RACGAP1: variants seen among roughly 807,000 people sequenced by gnomAD.
RACGAP1 encodes the protein Rac GTPase activating protein 1, also known as rac GTPase-activating protein 1.
RACGAP1 carries 30 observed loss-of-function variants against 78.1 expected under a neutral mutation model. The observed-to-expected ratio is 0.38, with a 90% CI of 0.29 to 0.52. RACGAP1 has a LOEUF of 0.52. Among genes scored for constraint, RACGAP1 ranks in the 20% least tolerant of loss-of-function variants. The probability of loss-of-function intolerance (pLI) is 0.82; values close to 1 mark genes in which losing one functional copy is unlikely to be tolerated. For missense variants in RACGAP1, 587 were observed against 777.1 expected (o/e 0.76, Z 2.91); for synonymous variants, 231 against 264.8 (o/e 0.87, Z 1.24).
Position 49,994,136 on chromosome 12 carries a change from G to A in RACGAP1, c.1334C>T (p.Ala445Val), listed in dbSNP as rs1417537437. ...AGTATTACATCTGCCCTTACCTGCT[G>A]CTTCCATAAAGGCTCTGTTAAGGCG... Reference protein sequence around the residue: ...TFRLNRAFMEAAEITDEDNSI... With the variant: ...TFRLNRAFMEVAEITDEDNSI... The change falls in exon 12 of 17, where the codon GCA becomes GTA. Residue 445 changes from alanine (A) to valine (V), a missense_variant. Ala to Val is a moderately conservative substitution (Grantham distance 64, BLOSUM62 0). Transcript: ENST00000312377. 6.2e-7 allele frequency: 1 copy of A among 1,611,274 alleles called. No homozygotes were observed. The highest frequency in any genetic ancestry group is 8.5e-7 in the Non-Finnish European group (1 of 1,178,860).
At position 49,992,365 on chromosome 12, in the gene RACGAP1, A is replaced by G; in HGVS notation, c.1458T>C (p.Ser486=). ...LMIHLQRVAQ[S]PHTKMDVANL... Reference sequence around the variant, plus strand: ...TGGCAACATCCATTTTAGTATGTGGACTCTGAGCCACTCTAAGCAAAAGAA... The same window carrying G: ...TGGCAACATCCATTTTAGTATGTGGGCTCTGAGCCACTCTAAGCAAAAGAA... The change falls in exon 14 of 17, where the codon AGT becomes AGC. Residue 486 remains serine (S), a synonymous_variant. Transcript: ENST00000312377. 6.2e-7 allele frequency: 1 copy of G among 1,613,808 alleles called. No homozygotes were observed. The highest frequency in any genetic ancestry group is 2.2e-5 in the East Asian group (1 of 44,862).
chr12:50,009,540 G>A (rs1949181738), intron 2 of RACGAP1, among the ~76,000 whole-genome samples: 1 of 151,790 alleles, frequency 6.6e-6, no homozygotes, highest in Non-Finnish European at 1.5e-5. Flanking sequence ...CCCTCTCTAA[G>A]CTTCTTAAAG....
At chr12:49,994,030 AGACTCTGT>A (rs1948083146) in intron 12 of RACGAP1, 93 bp downstream of exon 12, 1 of 1,167,860 alleles carries the variant, frequency 8.6e-7, no homozygotes, top group African/African-American at 1.6e-5. Flanking sequence ...GGCGAGAGTG[AGACTCTGT>A]CTAAAAAATA....
At chr12:49,995,374 C>T (rs1948189278) in intron 10 of RACGAP1, among the ~76,000 whole-genome samples, 1 of 151,590 alleles carries the variant, frequency 6.6e-6, no homozygotes, top group South Asian at 2.1e-4. Context: ...CAAAACAAAA[C>T]AAAACAAAAT....
intron 2 of RACGAP1, among the ~76,000 whole-genome samples, chr12:50,010,213 C>T (rs78972052): frequency 0.016 from 2,461 of 151,786 alleles, 32 homozygotes; most frequent in Non-Finnish European, 0.023. Context: ...ACTGTGTGGA[C>T]TGGAGAAAAC....
At chr12:50,003,569 G>C (rs908316771) in intron 5 of RACGAP1, among the ~76,000 whole-genome samples, 1 of 152,062 alleles carries the variant, frequency 6.6e-6, no homozygotes, top group Non-Finnish European at 1.5e-5. Flanking sequence ...GATTTGTTTT[G>C]TTTGCTAGTT....
At chr12:49,995,960 T>C (rs1370579143) in intron 10 of RACGAP1, among the ~76,000 whole-genome samples, 1 of 152,174 alleles carries the variant, frequency 6.6e-6, no homozygotes, top group African/African-American at 2.4e-5. Context: ...GAGATTTGCT[T>C]CCAAGTAATT....
intron 1 of RACGAP1, among the ~76,000 whole-genome samples, chr12:50,020,255 G>A (rs901093237): frequency 3.5e-5 from 2 of 57,166 alleles, no homozygotes; most frequent in Non-Finnish European, 2.0e-4. Flanking sequence ...TCGGTTCACC[G>A]CAACTTCCAT....
At chr12:50,003,526 C>T (rs556244070) in intron 5 of RACGAP1, among the ~76,000 whole-genome samples, 154 of 152,274 alleles carry the variant, frequency 1.0e-3, no homozygotes, top group Non-Finnish European at 1.6e-3. Flanking sequence ...ACCTGTTTTG[C>T]TATACCAGAA....
chr12:49,997,079 G>A lies in RACGAP1; in HGVS notation c.1005C>T (p.Cys335=), dbSNP rs185936261. ...CAGGTGTTCCTATCAGGGTAGGAAT[G>A]CAGGGAAGGGGACAGCGGTCCCGAC... is the stretch of plus-strand genomic sequence containing the variant. ...PECRDRCPLP[C]IPTLIGTPVK... is the part of the protein sequence containing the mutation. Residue 335 remains cysteine (C), a synonymous_variant, in exon 10 of 17, where the codon TGC becomes TGT. Transcript: ENST00000312377. 6.9e-6 allele frequency: 11 copies of A among 1,593,734 alleles called. No individual in the cohort carries two copies. In the East Asian group the frequency reaches 1.1e-4, roughly 16 times the overall value.
intron 1 of RACGAP1, among the ~76,000 whole-genome samples, chr12:50,021,523 T>C (rs1295274046): frequency 6.6e-6 from 1 of 152,160 alleles, no homozygotes; most frequent in African/African-American, 2.4e-5. Context: ...AGCCAAGAGG[T>C]AGATATCATC....
At chr12:50,010,142 A>G (rs1474958299) in intron 2 of RACGAP1, among the ~76,000 whole-genome samples, 1 of 152,180 alleles carries the variant, frequency 6.6e-6, no homozygotes, top group Non-Finnish European at 1.5e-5. Flanking sequence ...TAATTTATAC[A>G]CCAATGATTT....
chr12:49,998,898 A>C (rs1948476607), intron 9 of RACGAP1, among the ~76,000 whole-genome samples: 1 of 152,024 alleles, frequency 6.6e-6, no homozygotes, highest in Non-Finnish European at 1.5e-5. Flanking sequence ...ACTCTGTCTC[A>C]AATTAAAAAA....
At chr12:50,025,311 C>T in intron 1 of RACGAP1, 87 bp downstream of exon 1, 1 of 985,682 alleles carries the variant, frequency 1.0e-6, no homozygotes, top group South Asian at 4.7e-5. Context: ...CGGACCCCCG[C>T]GGCGGCCACG....
chr12:50,001,617 A>G (rs1410818392), intron 6 of RACGAP1, among the ~76,000 whole-genome samples: 2 of 152,264 alleles, frequency 1.3e-5, no homozygotes, highest in Non-Finnish European at 2.9e-5. Context: ...ATCCCATTAT[A>G]TGAAGCTTAT....
chr12:50,018,328 C>A (rs973235482), intron 1 of RACGAP1, among the ~76,000 whole-genome samples: 21 of 152,228 alleles, frequency 1.4e-4, no homozygotes, highest in African/African-American at 5.1e-4. Flanking sequence ...GATTTTCAAA[C>A]GGCAAGTATC....
intron 4 of RACGAP1, among the ~76,000 whole-genome samples, 162 bp from the exon 5 acceptor site, chr12:50,004,466 T>G (rs1044136661): frequency 2.0e-5 from 3 of 152,228 alleles, no homozygotes; most frequent in Admixed American, 1.3e-4. Flanking sequence ...GGTAGGCTAC[T>G]TTGTATGGTT....
intron 5 of RACGAP1, among the ~76,000 whole-genome samples, chr12:50,003,510 G>A (rs1358674937): frequency 6.6e-6 from 1 of 152,184 alleles, no homozygotes; most frequent in East Asian, 1.9e-4. Context: ...GTAACAAATA[G>A]TTGTCACCTG....
chr12:49,998,019 CA>C (rs1398240673), intron 9 of RACGAP1, among the ~76,000 whole-genome samples: 4 of 152,142 alleles, frequency 2.6e-5, no homozygotes, highest in African/African-American at 7.2e-5. Flanking sequence ...GAAACAGAAG[CA>C]AAGAGAGTTT....
Sources: allele counts gnomAD v4.1 joint callset (sites outside exome capture counted in the v4.1 genomes callset), GRCh38; gene constraint gnomAD v4.1.1; transcripts MANE v1.5; gene names NCBI Gene and HGNC (gene_info 2026-07-23, HGNC 2026-07-21).